The following RHOJ variants were observed in gnomAD, a reference collection of about 807,000 sequenced individuals.
RHOJ encodes the protein ras homolog family member J.
In RHOJ, 11 loss-of-function variants were observed where a neutral mutation model predicts 23.4. That is an observed-to-expected ratio of 0.47 (90% CI 0.30 to 0.78). The LOEUF is 0.78. Ranked by LOEUF, RHOJ falls within the 30% of genes least tolerant of loss-of-function variation. RHOJ has a pLI of 0.08. For synonymous variants in RHOJ, 102 were observed against 102.7 expected (o/e 0.99, Z 0.04); for missense variants, 254 against 273.4 (o/e 0.93, Z 0.50).
chr14:63,225,320 A>G (rs1048169369), intron 1 of RHOJ, among the ~76,000 whole-genome samples: 3 of 152,176 alleles, frequency 2.0e-5, no homozygotes, highest in Admixed American at 6.5e-5. Context: ...TTGGAGCAAC[A>G]TGAATTGCCT....
intron 1 of RHOJ, among the ~76,000 whole-genome samples, chr14:63,234,758 G>T (rs948780448): frequency 2.6e-5 from 4 of 151,968 alleles, no homozygotes; most frequent in Admixed American, 2.6e-4. Context: ...ATATAAATTT[G>T]TACTTAAGAA....
intron 1 of RHOJ, among the ~76,000 whole-genome samples, chr14:63,255,035 G>A (rs1380269868): frequency 6.6e-6 from 1 of 152,064 alleles, no homozygotes; most frequent in Non-Finnish European, 1.5e-5. Context: ...AAATGTTGAG[G>A]CCATGATCCC....
chr14:63,227,715 A>G (rs982437274), intron 1 of RHOJ, among the ~76,000 whole-genome samples: 4 of 152,262 alleles, frequency 2.6e-5, no homozygotes, highest in African/African-American at 9.6e-5. Context: ...TTCGCAGAAG[A>G]AAAACAAACT....
chr14:63,241,358 G>A (rs1894880861), intron 1 of RHOJ, among the ~76,000 whole-genome samples: 1 of 152,274 alleles, frequency 6.6e-6, no homozygotes, highest in South Asian at 2.1e-4. Flanking sequence ...CACAGAGACA[G>A]GGAGAGAGGA....
rs549112569 is a variant in RHOJ at position 63,291,150 on chromosome 14, A to G, written c.*126A>G. 2.1e-5 allele frequency: 23 copies of G among 1,112,146 alleles called. No individual in the cohort carries two copies. In the East Asian group the frequency reaches 4.7e-4, roughly 23 times the overall value. 68.9% of individuals were successfully genotyped at this position (1,112,146 alleles called of 1,614,324 possible). A position where few individuals can be genotyped will look rare whatever the true frequency, so the allele number is the denominator to read the frequency against. ...CTCCCTTTGCACGGAGGCTTGCCCC[A>G]TCACCCTCTGAGCCCTCCCAACACA... On this transcript the variant is annotated 3_prime_UTR_variant, in exon 5 of 5. Coordinates refer to ENST00000316754, the MANE Select transcript of RHOJ (RefSeq NM_020663.5).
chr14:63,266,402 AC>A (rs915087577), intron 1 of RHOJ, among the ~76,000 whole-genome samples: 1 of 152,150 alleles, frequency 6.6e-6, no homozygotes, highest in African/African-American at 2.4e-5. Flanking sequence ...TTTCAGGTTT[AC>A]TTTGGAATGC....
chr14:63,221,494 G>A (rs1894493429), intron 1 of RHOJ, among the ~76,000 whole-genome samples: 1 of 152,136 alleles, frequency 6.6e-6, no homozygotes. Flanking sequence ...AATGGTGATA[G>A]CATTCTCTGA....
At position 63,290,896 on chromosome 14, in the gene RHOJ, T is replaced by C. The variant is rs1041131066; in HGVS notation, c.517T>C (p.Leu173=). The change falls in exon 5 of 5, where the codon TTG becomes CTG. Residue 173 remains leucine, a synonymous_variant. Transcript: ENST00000316754. ...LAKAIGAQCY[L]ECSALTQKGL... is the part of the protein sequence containing the mutation. ...GTTTAAGATCGGAGCACAGTGCTAC[T>C]TGGAATGTTCAGCTCTGACTCAGAA... 7 of 1,613,444 alleles carry C rather than the reference T, an allele frequency of 4.3e-6. No individual in the cohort carries two copies. The African/African-American group carries it at 8.0e-5, about 18-fold the overall frequency.
At chr14:63,279,267 T>C (rs112349031) in intron 2 of RHOJ, among the ~76,000 whole-genome samples, 4 of 152,346 alleles carry the variant, frequency 2.6e-5, no homozygotes, top group African/African-American at 7.2e-5. Flanking sequence ...TGTGAACATA[T>C]AAGTTTAGTT....
intron 1 of RHOJ, among the ~76,000 whole-genome samples, chr14:63,265,474 C>A (rs948208763): frequency 1.3e-5 from 2 of 152,138 alleles, no homozygotes; most frequent in Non-Finnish European, 2.9e-5. Context: ...TGGCTTTGTT[C>A]TTTTTGCTTA....
chr14:63,254,761 T>G (rs1895133303), intron 1 of RHOJ, among the ~76,000 whole-genome samples: 1 of 152,122 alleles, frequency 6.6e-6, no homozygotes, highest in Non-Finnish European at 1.5e-5. Flanking sequence ...CCACACAGGC[T>G]GCCATGGTAG....
intron 1 of RHOJ, among the ~76,000 whole-genome samples, chr14:63,244,152 C>T (rs765028698): frequency 3.3e-5 from 5 of 152,222 alleles, no homozygotes; most frequent in Middle Eastern, 3.4e-3. Flanking sequence ...GGAAGACGTA[C>T]GATACAACAT....
At chr14:63,221,004 A>G (rs534731292) in intron 1 of RHOJ, among the ~76,000 whole-genome samples, 1 of 152,254 alleles carries the variant, frequency 6.6e-6, no homozygotes, top group Admixed American at 6.5e-5. Flanking sequence ...CTTCTCCTCT[A>G]TGGTCTCTCA....
intron 1 of RHOJ, among the ~76,000 whole-genome samples, chr14:63,217,141 G>A (rs539051971): frequency 6.7e-6 from 1 of 150,224 alleles, no homozygotes; most frequent in African/African-American, 2.5e-5. Context: ...CATTGTGCAG[G>A]TTAGTTACAT....
intron 1 of RHOJ, among the ~76,000 whole-genome samples, chr14:63,209,955 T>C (rs1894197340): frequency 1.3e-5 from 2 of 150,642 alleles, no homozygotes; most frequent in Middle Eastern, 3.4e-3. Context: ...TTTTTTTCCT[T>C]TTTTTTCTTT....
At chr14:63,247,479 A>C (rs1363240800) in intron 1 of RHOJ, among the ~76,000 whole-genome samples, 1 of 152,186 alleles carries the variant, frequency 6.6e-6, no homozygotes, top group East Asian at 1.9e-4. Flanking sequence ...AATATACAGA[A>C]AAAATAAAGA....
chr14:63,239,214 C>T (rs1361186855), intron 1 of RHOJ, among the ~76,000 whole-genome samples: 3 of 152,116 alleles, frequency 2.0e-5, no homozygotes, highest in South Asian at 2.1e-4. Context: ...CAGATTCAAG[C>T]GATTCTCCTG....
chr14:63,272,196 G>A (rs534305962), intron 2 of RHOJ, among the ~76,000 whole-genome samples: 2 of 152,334 alleles, frequency 1.3e-5, no homozygotes, highest in South Asian at 2.1e-4. Context: ...ATGTATCCCC[G>A]TAGTTCTACA....
chr14:63,208,726 A>G (rs923030996), intron 1 of RHOJ, among the ~76,000 whole-genome samples: 2 of 152,052 alleles, frequency 1.3e-5, no homozygotes, highest in Non-Finnish European at 2.9e-5. Context: ...CCTCTTCTTT[A>G]TTTACACTTA....
Sources: allele counts gnomAD v4.1 joint callset (sites outside exome capture counted in the v4.1 genomes callset), GRCh38; gene constraint gnomAD v4.1.1; transcripts MANE v1.5; gene names NCBI Gene and HGNC (gene_info 2026-07-23, HGNC 2026-07-21).